SNAP25: variants seen among roughly 807,000 people sequenced by gnomAD.
SNAP25 encodes the protein synaptosome associated protein 25.
SNAP25 carries 3 observed loss-of-function variants against 28.7 expected under a neutral mutation model. The ratio of observed to expected loss-of-function variants is 0.10; its 90% CI spans 0.05 to 0.27. The LOEUF (loss-of-function observed/expected upper bound fraction) is 0.27. Ranked by LOEUF, SNAP25 falls within the 10% of genes least tolerant of loss-of-function variation. The probability of loss-of-function intolerance (pLI) is 1.00; values close to 1 mark genes in which losing one functional copy is unlikely to be tolerated. For missense variants in SNAP25, 117 were observed against 278.7 expected (o/e 0.42, Z 4.13); for synonymous variants, 61 against 88.1 (o/e 0.69, Z 1.72).
At chr20:10,304,830 T>G (rs1002772479) in intron 7 of SNAP25, among the ~76,000 whole-genome samples, 1 of 152,198 alleles carries the variant, frequency 6.6e-6, no homozygotes, top group East Asian at 1.9e-4. Flanking sequence ...TGCAATTTAC[T>G]GGAGAGATGG....
At chr20:10,267,308 A>C (rs2063521741) in intron 1 of SNAP25, among the ~76,000 whole-genome samples, 1 of 152,220 alleles carries the variant, frequency 6.6e-6, no homozygotes, top group Non-Finnish European at 1.5e-5. Context: ...CAAGTAAATA[A>C]GTCATTTGTC....
rs2064373568 is a variant in SNAP25 at position 10,306,878 on chromosome 20, G to A, written c.*681G>A. On this transcript the variant is annotated 3_prime_UTR_variant, in exon 8 of 8. Coordinates refer to ENST00000254976, the MANE Select transcript of SNAP25 (RefSeq NM_130811.4). ...ATGCTCAGTATTGAGACACTGTCAAGATTAAGTTATACCAGCAAAAGTGCA... is the reference window on the plus strand; with the variant it reads ...ATGCTCAGTATTGAGACACTGTCAAAATTAAGTTATACCAGCAAAAGTGCA... 6.5e-6 allele frequency: 1 copy of A among 154,152 alleles called. No homozygotes were observed. The highest frequency in any genetic ancestry group is 2.4e-5 in the African/African-American group (1 of 41,464). 9.5% of individuals were successfully genotyped at this position (154,152 alleles called of 1,614,324 possible).
In SNAP25 at chr20:10,306,477, T is replaced by C. The variant is rs1027176658; in HGVS notation, c.*280T>C. 12 of 320,210 alleles carry C rather than the reference T, an allele frequency of 3.7e-5. No homozygotes were observed. Among genetic ancestry groups the C allele is most frequent in the African/African-American group, 2.4e-4 (11 of 46,528 alleles). 19.8% of individuals were successfully genotyped at this position (320,210 alleles called of 1,614,324 possible). A position where few individuals can be genotyped will look rare whatever the true frequency, so the allele number is the denominator to read the frequency against. Reference sequence around the variant, plus strand: ...TTTCATTTTCTCTCCTCGGTGGCATTTGCTGAATAACAACAATTTAGGAAT... The same window carrying C: ...TTTCATTTTCTCTCCTCGGTGGCATCTGCTGAATAACAACAATTTAGGAAT... On this transcript the variant is annotated 3_prime_UTR_variant, in exon 8 of 8. Coordinates refer to ENST00000254976, the MANE Select transcript of SNAP25 (RefSeq NM_130811.4).
chr20:10,270,658 C>T (rs2122965097), intron 1 of SNAP25, among the ~76,000 whole-genome samples: 1 of 151,718 alleles, frequency 6.6e-6, no homozygotes, highest in East Asian at 1.9e-4. Flanking sequence ...GAGATGGCAC[C>T]ACTGCACTCC....
chr20:10,222,488 A>G (rs996046156), intron 1 of SNAP25, among the ~76,000 whole-genome samples: 4 of 152,164 alleles, frequency 2.6e-5, no homozygotes, highest in African/African-American at 9.7e-5. Flanking sequence ...CAGTTGGCAA[A>G]CCCTGAAAAT....
At chr20:10,277,750 A>T (rs754138573) in intron 3 of SNAP25, 24 bp downstream of exon 3, 3 of 1,608,600 alleles carry the variant, frequency 1.9e-6, no homozygotes, top group Middle Eastern at 1.7e-4. Context: ...GTATTTTAAG[A>T]TAAAGGAACA....
intron 2 of SNAP25, among the ~76,000 whole-genome samples, chr20:10,276,141 A>C (rs1041193318): frequency 1.2e-4 from 18 of 152,222 alleles, no homozygotes; most frequent in African/African-American, 4.1e-4. Context: ...GATCAGTAAT[A>C]TGAAGTTGTA....
At chr20:10,285,917 G>A (rs1433397142) in intron 4 of SNAP25, among the ~76,000 whole-genome samples, 2 of 152,174 alleles carry the variant, frequency 1.3e-5, no homozygotes, top group Non-Finnish European at 2.9e-5. Context: ...TTGTGAATAT[G>A]TTGGGAAAAC....
chr20:10,299,329 A>G lies in SNAP25; in HGVS notation c.469A>G (p.Ile157Val). 6.2e-7 allele frequency: 1 copy of G among 1,614,172 alleles called. No homozygotes were observed. Among genetic ancestry groups the G allele is most frequent in the Middle Eastern group, 1.6e-4 (1 of 6,062 alleles). ...DENLEQVSGI[I>V]GNLRHMALDM... ...AAACCTAGAGCAGGTGAGCGGCATC[A>G]TCGGGAACCTCCGTCACATGGCCCT... The change falls in exon 7 of 8, where the codon ATC (isoleucine) becomes GTC (valine). Residue 157 changes from isoleucine to valine, a missense_variant. By Grantham distance (29) the Ile-to-Val change is conservative. Transcript: ENST00000254976.
chr20:10,243,696 G>A (rs2063075162), intron 1 of SNAP25, among the ~76,000 whole-genome samples: 1 of 152,160 alleles, frequency 6.6e-6, no homozygotes, highest in Non-Finnish European at 1.5e-5. Flanking sequence ...TTTCATGTCA[G>A]GGGATACAGT....
At chr20:10,247,726 T>A (rs1198433896) in intron 1 of SNAP25, among the ~76,000 whole-genome samples, 1 of 152,236 alleles carries the variant, frequency 6.6e-6, no homozygotes, top group Non-Finnish European at 1.5e-5. Context: ...GAAATTTGAC[T>A]GCAGGGTATG....
intron 1 of SNAP25, among the ~76,000 whole-genome samples, chr20:10,238,951 G>C (rs916147430): frequency 7.0e-6 from 1 of 142,022 alleles, no homozygotes; most frequent in Non-Finnish European, 1.5e-5. Flanking sequence ...ATCAATGCTG[G>C]CACCATCTCT....
intron 1 of SNAP25, among the ~76,000 whole-genome samples, chr20:10,243,279 C>A (rs1174908097): frequency 6.6e-6 from 1 of 152,158 alleles, no homozygotes; most frequent in Admixed American, 6.5e-5. Flanking sequence ...GGGTGGTATA[C>A]CTCTCACCCA....
intron 1 of SNAP25, among the ~76,000 whole-genome samples, chr20:10,245,719 A>G (rs1434823413): frequency 6.6e-6 from 1 of 152,088 alleles, no homozygotes; most frequent in East Asian, 1.9e-4. Flanking sequence ...CATACTGACA[A>G]TTCCCACACA....
At position 10,299,287 on chromosome 20, in the gene SNAP25, G is replaced by C; in HGVS notation, c.427G>C (p.Glu143Gln). The C allele has an allele frequency of 1.2e-6, 2 of 1,613,822 alleles. No individual in the cohort carries two copies. The highest frequency in any genetic ancestry group is 1.7e-6 in the Non-Finnish European group (2 of 1,179,914). ...TCCCAGGGTAACAAATGATGCCCGAGAAAATGAAATGGATGAAAACCTAGA... is the reference window on the plus strand; with the variant it reads ...TCCCAGGGTAACAAATGATGCCCGACAAAATGAAATGGATGAAAACCTAGA... ...FIRRVTNDAR[E>Q]NEMDENLEQV... Residue 143 changes from glutamate to glutamine, a missense_variant, in exon 7 of 8, where the codon GAA becomes CAA. Physicochemically the swap from Glu to Gln is conservative, Grantham distance 29. Coordinates refer to ENST00000254976, the MANE Select transcript of SNAP25 (RefSeq NM_130811.4).
chr20:10,299,040 T>C (rs998270552), intron 6 of SNAP25, among the ~76,000 whole-genome samples: 1 of 152,184 alleles, frequency 6.6e-6, no homozygotes, highest in African/African-American at 2.4e-5. Context: ...GATAAATTAA[T>C]CTATTTAATA....
At chr20:10,243,094 T>C (rs1288175306) in intron 1 of SNAP25, among the ~76,000 whole-genome samples, 1 of 152,180 alleles carries the variant, frequency 6.6e-6, no homozygotes, top group Non-Finnish European at 1.5e-5. Flanking sequence ...TGTAGCTCTT[T>C]AGAATGTAGA....
intron 1 of SNAP25, among the ~76,000 whole-genome samples, chr20:10,229,459 A>G (rs1433316972): frequency 5.3e-5 from 8 of 152,134 alleles, no homozygotes; most frequent in Non-Finnish European, 8.8e-5. Context: ...TAAAACCTGC[A>G]CAAGCAAGTT....
intron 1 of SNAP25, among the ~76,000 whole-genome samples, chr20:10,257,219 C>T (rs1357331269): frequency 6.6e-6 from 1 of 152,162 alleles, no homozygotes; most frequent in Admixed American, 6.5e-5. Context: ...AGGAAAAAAA[C>T]AATTCTTCAC....
Sources: gnomAD v4.1 joint callset for allele counts (sites outside exome capture counted in the v4.1 genomes callset) on GRCh38, gnomAD v4.1.1 for gene constraint, MANE v1.5 for transcripts, NCBI Gene and HGNC (gene_info 2026-07-23, HGNC 2026-07-21) for gene names.